Variants in NHSL1 observed in about 807,000 individuals in gnomAD.
NHSL1 encodes the protein NHS-like protein 1.
A neutral mutation model predicts 95.0 loss-of-function variants in NHSL1; 48 were observed. That is an observed-to-expected ratio of 0.51 (90% CI 0.40 to 0.64). The LOEUF (loss-of-function observed/expected upper bound fraction) is 0.64. NHSL1 is among the 30% of genes least tolerant of loss of function. The pLI is 0.00. For missense variants in NHSL1, 1,971 were observed against 2,077.7 expected (o/e 0.95, Z 1.00); for synonymous variants, 783 against 833.9 (o/e 0.94, Z 1.05).
At chr6:138,442,188 A>C (rs1420161108) in intron 4 of NHSL1, 74 bp from the exon 5 acceptor site, 1 of 1,378,036 alleles carries the variant, frequency 7.3e-7, no homozygotes, top group Non-Finnish European at 9.6e-7. Context: ...TTCTTCCAGA[A>C]GCTTGTTGTA....
chr6:138,517,930 C>T (rs1026646752), intron 1 of NHSL1, among the ~76,000 whole-genome samples: 1 of 152,140 alleles, frequency 6.6e-6, no homozygotes, highest in African/African-American at 2.4e-5. Context: ...CAGGGTGGCA[C>T]AGCCTAGGTC....
intron 1 of NHSL1, among the ~76,000 whole-genome samples, chr6:138,565,198 C>T (rs1026921276): frequency 2.0e-5 from 3 of 150,160 alleles, no homozygotes; most frequent in Non-Finnish European, 4.5e-5. Flanking sequence ...CCTCCGCCTC[C>T]TGGGTTCAAG....
chr6:138,593,312 C>T (rs1410012785), intron 1 of NHSL1, among the ~76,000 whole-genome samples: 1 of 152,230 alleles, frequency 6.6e-6, no homozygotes, highest in Non-Finnish European at 1.5e-5. Context: ...TGCTTCAGGT[C>T]TGGCTCTGAA....
At chr6:138,613,032 A>C (rs1307149146) in intron 1 of NHSL1, among the ~76,000 whole-genome samples, 2 of 152,216 alleles carry the variant, frequency 1.3e-5, no homozygotes, top group Non-Finnish European at 1.5e-5. Flanking sequence ...AAAGATTTCA[A>C]GCAAACCCTA....
At chr6:138,592,716 G>A (rs1583438678) in intron 1 of NHSL1, among the ~76,000 whole-genome samples, 1 of 152,196 alleles carries the variant, frequency 6.6e-6, no homozygotes, top group Admixed American at 6.5e-5. Flanking sequence ...AAGGAAAAAG[G>A]TGTGTGGATA....
intron 3 of NHSL1, among the ~76,000 whole-genome samples, chr6:138,452,583 A>G (rs1261740695): frequency 6.6e-6 from 1 of 152,238 alleles, no homozygotes; most frequent in East Asian, 1.9e-4. Context: ...ATACAGAACT[A>G]TATAGTTGAT....
At chr6:138,682,417 C>T (rs1361800876) in intron 1 of NHSL1, among the ~76,000 whole-genome samples, 6 of 152,140 alleles carry the variant, frequency 3.9e-5, no homozygotes, top group Non-Finnish European at 7.3e-5. Flanking sequence ...TTACATTCAG[C>T]TTTTCTAAGT....
Position 138,495,593 on chromosome 6 carries a change from T to C in NHSL1, c.211+626A>G, listed in dbSNP as rs577483931. ...TGGTTTATTTGGATCAAATTAACACTGGCGGTTTAAACATGCTAAAGTGTT... is the reference window on the plus strand; with the variant it reads ...TGGTTTATTTGGATCAAATTAACACCGGCGGTTTAAACATGCTAAAGTGTT... On this transcript the variant is annotated intron_variant, in intron 2 of 7. Transcript: ENST00000343505. Among the ~76,000 whole-genome samples the C allele has an allele frequency of 1.3e-3, 202 of 152,346 alleles. 2 individuals carry two copies. Among genetic ancestry groups the C allele is most frequent in the African/African-American group, 4.6e-3 (193 of 41,574 alleles).
At chr6:138,489,844 GGGAGAGAGGGAGAGAGAGAGA>G (rs1779939876) in intron 2 of NHSL1, among the ~76,000 whole-genome samples, 1 of 75,772 alleles carries the variant, frequency 1.3e-5, no homozygotes, top group African/African-American at 7.0e-5. Flanking sequence ...GAGAGAGAGA[GGGAGAGAGGGAGAGAGAGAGA>G]GAGAGAGGGA....
intron 1 of NHSL1, among the ~76,000 whole-genome samples, chr6:138,626,689 C>T (rs1478031038): frequency 1.4e-5 from 1 of 72,330 alleles, no homozygotes; most frequent in South Asian, 5.3e-4. Flanking sequence ...GTCAGGAGAT[C>T]GAGACCATCC....
Position 138,456,923 on chromosome 6 carries a change from G to A in NHSL1, c.340-9730C>T, listed in dbSNP as rs117006979. 8.7e-3 allele frequency among the ~76,000 whole-genome samples: 1,294 copies of A among 149,176 alleles called. 10 individuals carry two copies. The highest frequency in any genetic ancestry group is 0.014 in the Non-Finnish European group (930 of 67,592). Reference sequence around the variant, plus strand: ...GAGATGGAGTCTCACTTACTCTGCCGCCCAGGCTGGAGTGGAGTGGTGCGA... The same window carrying A: ...GAGATGGAGTCTCACTTACTCTGCCACCCAGGCTGGAGTGGAGTGGTGCGA... On this transcript the variant is annotated intron_variant, in intron 3 of 7. Coordinates refer to ENST00000343505, the MANE Select transcript of NHSL1 (RefSeq NM_001144060.2).
At chr6:138,447,426 A>C (rs1372526139) in intron 3 of NHSL1, among the ~76,000 whole-genome samples, 1 of 152,120 alleles carries the variant, frequency 6.6e-6, no homozygotes, top group African/African-American at 2.4e-5. Flanking sequence ...GGTTCTGCTG[A>C]CCCACAAAAT....
chr6:138,541,017 A>G (rs9495115), intron 1 of NHSL1, among the ~76,000 whole-genome samples: 8,614 of 152,250 alleles, frequency 0.057, 767 homozygotes, highest in African/African-American at 0.19. Flanking sequence ...CTTATAAAAT[A>G]TAGTGAAATT....
intron 1 of NHSL1, among the ~76,000 whole-genome samples, chr6:138,591,112 G>A (rs1043515295): frequency 2.6e-5 from 4 of 152,140 alleles, no homozygotes; most frequent in Non-Finnish European, 5.9e-5. Context: ...GCACTCAGGA[G>A]GCACTCAGAC....
At chr6:138,588,337 C>T (rs1784172169) in intron 1 of NHSL1, among the ~76,000 whole-genome samples, 1 of 152,112 alleles carries the variant, frequency 6.6e-6, no homozygotes, top group African/African-American at 2.4e-5. Flanking sequence ...GTGGTGTGTG[C>T]CTGTAATCCA....
chr6:138,689,340 G>T (rs1785628719), intron 1 of NHSL1, among the ~76,000 whole-genome samples: 1 of 152,078 alleles, frequency 6.6e-6, no homozygotes, highest in Admixed American at 6.6e-5. Context: ...GGGTGTCAGG[G>T]AAAGAAAGTA....
intron 1 of NHSL1, among the ~76,000 whole-genome samples, chr6:138,666,690 AT>A (rs1785299983): frequency 6.6e-6 from 1 of 152,108 alleles, no homozygotes. Flanking sequence ...TCAAGTCACA[AT>A]TTATATATAA....
chr6:138,466,807 G>A (rs75630839), intron 3 of NHSL1, among the ~76,000 whole-genome samples: 1,907 of 152,090 alleles, frequency 0.013, 35 homozygotes, highest in African/African-American at 0.042. Context: ...TATGAGGCCC[G>A]GCTCAGTGGC....
At chr6:138,635,648 A>G (rs920987746) in intron 1 of NHSL1, among the ~76,000 whole-genome samples, 7 of 152,362 alleles carry the variant, frequency 4.6e-5, no homozygotes, top group African/African-American at 1.4e-4. Flanking sequence ...TGAAAAATAG[A>G]GAATGAGGGA....
Sources: allele counts gnomAD v4.1 joint callset (sites outside exome capture counted in the v4.1 genomes callset), GRCh38; gene constraint gnomAD v4.1.1; transcripts MANE v1.5; gene names NCBI Gene and HGNC (gene_info 2026-07-23, HGNC 2026-07-21).